TRPM8: variants seen among roughly 807,000 people sequenced by gnomAD.
TRPM8 encodes the protein transient receptor potential cation channel subfamily M member 8.
In TRPM8, 110 loss-of-function variants were observed where a neutral mutation model predicts 133.7. That is an observed-to-expected ratio of 0.82 (90% confidence interval 0.70 to 0.96). The LOEUF (loss-of-function observed/expected upper bound fraction) is 0.96, where lower values mean the gene tolerates loss of function less well. TRPM8 is among the 40% of genes least tolerant of loss of function. TRPM8 has a pLI of 0.00. For missense variants in TRPM8, 1,291 were observed against 1,379.5 expected, an observed-to-expected ratio of 0.94 and a Z score of 1.02; for synonymous variants, 535 against 532.3, an observed-to-expected ratio of 1.01 and a Z score of -0.07.
At chr2:234,011,198 C>T (rs1365287777) in intron 24 of TRPM8, among the ~76,000 whole-genome samples, 1 of 152,130 alleles carries the variant, frequency 6.6e-6, no homozygotes, top group African/African-American at 2.4e-5. Flanking sequence ...ATGTGGATAT[C>T]CAGTTTTTTC....
intron 1 of TRPM8, among the ~76,000 whole-genome samples, chr2:233,918,861 T>C (rs1410846285): frequency 6.6e-6 from 1 of 152,158 alleles, no homozygotes; most frequent in East Asian, 1.9e-4. Flanking sequence ...GATGGTGTCA[T>C]TTATATTTGA....
In TRPM8 at chr2:233,969,735, A is replaced by G. The variant is rs1239476716; in HGVS notation, c.2066A>G (p.Asp689Gly). 1.2e-6 allele frequency: 2 copies of G among 1,613,954 alleles called. No homozygotes were observed. Among genetic ancestry groups the G allele is most frequent in the Non-Finnish European group, 8.5e-7 (1 of 1,179,852 alleles). Reference sequence around the variant, plus strand: ...CAATGGTATGGAGAGATTTCCCGAGACACCAAGAACTGGAAGATTATCCTG... The same window carrying G: ...CAATGGTATGGAGAGATTTCCCGAGGCACCAAGAACTGGAAGATTATCCTG... Reference protein sequence around the residue: ...SKQWYGEISRDTKNWKIILCL... With the variant: ...SKQWYGEISRGTKNWKIILCL... The change falls in exon 16 of 26, where the codon GAC (aspartate) becomes GGC (glycine). Residue 689 changes from aspartate to glycine, a missense_variant. This residue lies in a region of TRPM8 where 963 missense variants were observed against 968.9 expected (regional missense o/e 0.99). Transcript: ENST00000324695.
chr2:233,969,816 C>A lies in TRPM8; in HGVS notation c.2138+9C>A. 1 of 1,543,238 alleles carries A rather than the reference C, an allele frequency of 6.5e-7. No homozygotes were observed. Among genetic ancestry groups the A allele is most frequent in the South Asian group, 1.1e-5 (1 of 89,568 alleles). On this transcript the variant is annotated intron_variant, in intron 16 of 25. Coordinates refer to ENST00000324695, the MANE Select transcript of TRPM8 (RefSeq NM_024080.5). The stretch of plus-strand genomic sequence containing the variant: ...GGCTTTGTATCATTTAGGTACAAAC[C>A]AAGGCACATAATCGTGTGTGAGTGT...
At chr2:233,922,881 T>G (rs1049360265) in intron 1 of TRPM8, among the ~76,000 whole-genome samples, 2 of 152,224 alleles carry the variant, frequency 1.3e-5, no homozygotes, top group Admixed American at 6.5e-5. Flanking sequence ...TTCTTTTTTC[T>G]TTTTTGAAAC....
chr2:233,999,410 G>A (rs1559548076), intron 22 of TRPM8, among the ~76,000 whole-genome samples: 1 of 152,084 alleles, frequency 6.6e-6, no homozygotes, highest in Non-Finnish European at 1.5e-5. Flanking sequence ...GCGTTCTATT[G>A]GTCCAAGCAA....
intron 1 of TRPM8, among the ~76,000 whole-genome samples, chr2:233,921,302 C>A (rs938386468): frequency 6.6e-6 from 1 of 152,154 alleles, no homozygotes; most frequent in Non-Finnish European, 1.5e-5. Flanking sequence ...TCACTCTGCC[C>A]CTTTACAATC....
intron 1 of TRPM8, among the ~76,000 whole-genome samples, chr2:233,920,932 C>A (rs994309885): frequency 2.7e-5 from 4 of 150,886 alleles, no homozygotes; most frequent in African/African-American, 9.8e-5. Context: ...TCTTGGCTCA[C>A]CGCAACCTCC....
intron 15 of TRPM8, among the ~76,000 whole-genome samples, chr2:233,967,012 T>C (rs1691593768): frequency 6.6e-6 from 1 of 152,194 alleles, no homozygotes; most frequent in South Asian, 2.1e-4. Flanking sequence ...AATTATGAGC[T>C]GTGTCTCTGG....
intron 11 of TRPM8, among the ~76,000 whole-genome samples, chr2:233,957,506 A>G (rs1047810834): frequency 6.6e-6 from 1 of 151,984 alleles, no homozygotes; most frequent in African/African-American, 2.4e-5. Context: ...ACAAACACAC[A>G]CAAAAAAAAC....
At chr2:233,975,354 C>G (rs758377150) in intron 17 of TRPM8, among the ~76,000 whole-genome samples, 1 of 152,174 alleles carries the variant, frequency 6.6e-6, no homozygotes, top group Non-Finnish European at 1.5e-5. Flanking sequence ...GGAGAGGAAC[C>G]CTGCCCACAG....
intron 17 of TRPM8, among the ~76,000 whole-genome samples, chr2:233,971,508 G>C (rs1691718029): frequency 6.6e-6 from 1 of 152,178 alleles, no homozygotes; most frequent in Non-Finnish European, 1.5e-5. Flanking sequence ...TAGGTCTGAG[G>C]TGCAGATGGG....
Position 233,989,712 on chromosome 2 carries a change from G to C in TRPM8, c.2939+3847G>C, listed in dbSNP as rs1360765203. On this transcript the variant is annotated intron_variant, in intron 21 of 25. Coordinates refer to ENST00000324695, the MANE Select transcript of TRPM8 (RefSeq NM_024080.5). This position sits in a 1 kb window ranked among gnomAD's most constrained non-coding sequence, Gnocchi z 4.2. ...CAAATGTACCTTTGGGAATTCTGAA[G>C]GAGTATTGGAGTGCTCTCTAGATGG... Among the ~76,000 whole-genome samples the C allele has an allele frequency of 6.6e-6, 1 of 152,188 alleles. No homozygotes were observed. The highest frequency in any genetic ancestry group is 1.5e-5 in the Non-Finnish European group (1 of 68,016).
At chr2:233,970,800 T>C (rs77294979) in intron 17 of TRPM8, among the ~76,000 whole-genome samples, 2,711 of 152,312 alleles carry the variant, frequency 0.018, 35 homozygotes, top group Middle Eastern at 0.037. Context: ...GGCAGGACTT[T>C]TGAGCTAAGA....
At chr2:233,980,039 G>C (rs1691966823) in intron 17 of TRPM8, 149 bp from the exon 18 acceptor site, 1 of 653,084 alleles carries the variant, frequency 1.5e-6, no homozygotes, top group Non-Finnish European at 2.7e-6. Flanking sequence ...TGGGGCACGT[G>C]GTAGGGCTCA....
At chr2:233,955,931 T>A (rs1001466221) in intron 11 of TRPM8, among the ~76,000 whole-genome samples, 3 of 152,188 alleles carry the variant, frequency 2.0e-5, no homozygotes, top group Non-Finnish European at 4.4e-5. Flanking sequence ...AACCCTGTTG[T>A]GGACTGTGCA....
In TRPM8 at chr2:234,019,518, T is replaced by C. The variant is rs1693042599; in HGVS notation, c.*2262T>C. 1 of 152,212 alleles carries C rather than the reference T, an allele frequency of 6.6e-6. No homozygotes were observed. The highest frequency in any genetic ancestry group is 1.9e-4 in the East Asian group (1 of 5,198). The allele number at this position is 152,212 out of a possible 1,614,324, so 9.4% of individuals were successfully genotyped here. On this transcript the variant is annotated 3_prime_UTR_variant, in exon 26 of 26. Transcript: ENST00000324695. ...TTCATGAAATAAATAATGGAGGAAT[T>C]GTCATGTGTTGCTTTTGTCATTTTA...
intron 17 of TRPM8, among the ~76,000 whole-genome samples, chr2:233,970,939 C>T (rs916297627): frequency 5.9e-5 from 9 of 152,118 alleles, no homozygotes; most frequent in Admixed American, 3.9e-4. Context: ...CATTTTTTGG[C>T]GTCGTCTCTC....
intron 2 of TRPM8, among the ~76,000 whole-genome samples, chr2:233,927,792 TTTC>T (rs1691569497): frequency 3.3e-5 from 1 of 29,866 alleles, no homozygotes; most frequent in Non-Finnish European, 4.8e-5. Flanking sequence ...CTTTCTTTCT[TTTC>T]TTTCCTTCCT....
intron 1 of TRPM8, among the ~76,000 whole-genome samples, chr2:233,920,352 T>C (rs1691384077): frequency 6.6e-6 from 1 of 152,158 alleles, no homozygotes; most frequent in Non-Finnish European, 1.5e-5. Context: ...TCAGGCCCAT[T>C]TGAAATTTTT....
Sources: gnomAD v4.1 joint callset for allele counts (sites outside exome capture counted in the v4.1 genomes callset) on GRCh38, gnomAD v4.1.1 for gene constraint, gnomAD v4.1.1 regional missense constraint, Gnocchi (gnomAD v3.1) non-coding constraint, MANE v1.5 for transcripts, NCBI Gene and HGNC (gene_info 2026-07-23, HGNC 2026-07-21) for gene names.